CNGA3: variants seen among roughly 807,000 people sequenced by gnomAD.
CNGA3 encodes the protein cyclic nucleotide gated channel subunit alpha 3, also known as cyclic nucleotide-gated channel alpha-3.
In CNGA3, 42 loss-of-function variants were observed where a neutral mutation model predicts 46.6. The ratio of observed to expected loss-of-function variants is 0.90; its 90% confidence interval spans 0.70 to 1.17. The LOEUF (loss-of-function observed/expected upper bound fraction) is 1.17. Ranked by LOEUF, CNGA3 falls within the 50% of genes most tolerant of loss-of-function variation. The pLI is 0.00. For missense variants in CNGA3, 893 were observed against 890.7 expected (o/e 1.00, Z -0.03); for synonymous variants, 394 against 369.4 (o/e 1.07, Z -0.76).
Position 98,397,373 on chromosome 2 carries a change from A to G in CNGA3, c.*118A>G. 1 of 1,068,830 alleles carries G rather than the reference A, an allele frequency of 9.4e-7. No individual in the cohort carries two copies. 66.2% of individuals were successfully genotyped at this position (1,068,830 alleles called of 1,614,324 possible). On this transcript the variant is annotated 3_prime_UTR_variant, in exon 8 of 8. Transcript: ENST00000272602. ...AATTCCAGCTCTACTCACCCTTTGA[A>G]AGCTGTGTGACTGCCTGAGAGAACC...
At chr2:98,367,201 T>TTTTTTTTTTTTTTG (rs1257482068) in intron 1 of CNGA3, among the ~76,000 whole-genome samples, 1 of 147,882 alleles carries the variant, frequency 6.8e-6, no homozygotes, top group African/African-American at 2.5e-5. Flanking sequence ...TTTTTTTTTT[T>TTTTTTTTTTTTTTG]ATTGAGACAG....
intron 5 of CNGA3, among the ~76,000 whole-genome samples, chr2:98,385,661 G>A (rs531706767): frequency 1.3e-5 from 2 of 152,292 alleles, no homozygotes; most frequent in South Asian, 2.1e-4. Flanking sequence ...TTGGACAAGT[G>A]TATTAGTCCA....
At chr2:98,369,899 C>A in intron 1 of CNGA3, 40 bp from the exon 2 acceptor site, 2 of 1,334,594 alleles carry the variant, frequency 1.5e-6, no homozygotes, top group Non-Finnish European at 2.1e-6. Context: ...CAGTTACTTT[C>A]CTGTCCTGAT....
intron 3 of CNGA3, 52 bp downstream of exon 3, chr2:98,377,852 A>G: frequency 6.6e-7 from 1 of 1,520,418 alleles, no homozygotes; most frequent in Non-Finnish European, 9.0e-7. Flanking sequence ...CTGTTGCAGA[A>G]AGAAGGTAGT....
intron 2 of CNGA3, among the ~76,000 whole-genome samples, chr2:98,374,814 G>A (rs993619316): frequency 6.6e-6 from 1 of 152,226 alleles, no homozygotes; most frequent in Non-Finnish European, 1.5e-5. Flanking sequence ...GTGGGGCAAC[G>A]CATAGGGAAA....
At chr2:98,389,551 C>CG in intron 5 of CNGA3, 107 bp from the exon 6 acceptor site, 2 of 950,882 alleles carry the variant, frequency 2.1e-6, no homozygotes, top group Non-Finnish European at 3.5e-6. Flanking sequence ...CTGTTGTGGA[C>CG]AGCCACATCT....
intron 1 of CNGA3, among the ~76,000 whole-genome samples, chr2:98,363,120 G>C (rs550470900): frequency 3.3e-4 from 50 of 152,284 alleles, no homozygotes; most frequent in African/African-American, 1.2e-3. Context: ...GTTTAGGATT[G>C]TCTTGGCTAT....
intron 1 of CNGA3, among the ~76,000 whole-genome samples, chr2:98,357,159 G>T (rs145157415): frequency 9.1e-4 from 139 of 152,244 alleles, no homozygotes; most frequent in Middle Eastern, 3.4e-3. Context: ...TGCCTTTAAG[G>T]CTTTTGGAGT....
chr2:98,353,572 A>G (rs1691814106), intron 1 of CNGA3, among the ~76,000 whole-genome samples: 1 of 152,234 alleles, frequency 6.6e-6, no homozygotes, highest in South Asian at 2.1e-4. Flanking sequence ...CAGAAGCTGA[A>G]GTCACTTATG....
chr2:98,377,675 C>G lies in CNGA3; in HGVS notation c.102-12C>G. On this transcript the variant is annotated splice_polypyrimidine_tract_variant and intron_variant, in intron 2 of 7. Transcript: ENST00000272602. ...GAAATCAATTCTGCTTGCTGCATAT[C>G]TGATTTCCTAGAGCCCACTCGTCAA... The G allele has an allele frequency of 6.2e-7, 1 of 1,609,710 alleles. No homozygotes were observed. Among genetic ancestry groups the G allele is most frequent in the Non-Finnish European group, 8.5e-7 (1 of 1,177,920 alleles).
chr2:98,394,709 C>T (rs1196622592), intron 7 of CNGA3, among the ~76,000 whole-genome samples: 1 of 152,166 alleles, frequency 6.6e-6, no homozygotes, highest in Non-Finnish European at 1.5e-5. Context: ...AGGCAGTAAG[C>T]ACTTTAGCAT....
chr2:98,355,404 T>G (rs923919949), intron 1 of CNGA3, among the ~76,000 whole-genome samples: 1 of 152,202 alleles, frequency 6.6e-6, no homozygotes, highest in Non-Finnish European at 1.5e-5. Context: ...ACATAAAATA[T>G]AAGAGGACCC....
chr2:98,366,688 G>A (rs1410915049), intron 1 of CNGA3, among the ~76,000 whole-genome samples: 1 of 152,220 alleles, frequency 6.6e-6, no homozygotes, highest in Non-Finnish European at 1.5e-5. Context: ...CCGCTATGGT[G>A]CACTGTGGGG....
intron 1 of CNGA3, among the ~76,000 whole-genome samples, chr2:98,360,207 G>A (rs998128292): frequency 2.6e-5 from 4 of 152,204 alleles, no homozygotes; most frequent in African/African-American, 7.2e-5. Context: ...AGGGAGGGGG[G>A]CTGCTGTGAG....
At position 98,371,098 on chromosome 2, in the gene CNGA3, T is replaced by A. The variant is rs564311464; in HGVS notation, c.101+1022T>A. Among the ~76,000 whole-genome samples, 5 of 152,348 alleles carry A rather than the reference T, an allele frequency of 3.3e-5. No individual in the cohort carries two copies. The East Asian group carries it at 7.7e-4, about 24-fold the overall frequency. ...CCTCAGCCTCCCAAAGTGCTGGGAT[T>A]ACAGGTGTGAGCCACTGCACCCAGC... On this transcript the variant is annotated intron_variant, in intron 2 of 7. Coordinates refer to ENST00000272602, the MANE Select transcript of CNGA3 (RefSeq NM_001298.3).
chr2:98,383,357 G>A, intron 4 of CNGA3, 31 bp from the exon 5 acceptor site: 2 of 1,610,840 alleles, frequency 1.2e-6, no homozygotes, highest in Non-Finnish European at 1.7e-6. Flanking sequence ...ACAGAGTTCA[G>A]ACCCTTGATG....
chr2:98,346,939 T>G (rs1691640772), intron 1 of CNGA3: 1 of 152,546 alleles, frequency 6.6e-6, no homozygotes, highest in South Asian at 2.1e-4. Context: ...GGGTAGGGCT[T>G]GCAGCCGCGA....
intron 2 of CNGA3, among the ~76,000 whole-genome samples, chr2:98,371,427 A>G (rs1692286906): frequency 6.6e-6 from 1 of 152,202 alleles, no homozygotes; most frequent in Non-Finnish European, 1.5e-5. Context: ...AACTCTGCTA[A>G]TAAGTGATGG....
chr2:98,362,149 G>A lies in CNGA3; in HGVS notation c.-37-7790G>A, dbSNP rs1220961550. 2.0e-5 allele frequency among the ~76,000 whole-genome samples: 3 copies of A among 147,286 alleles called. No homozygotes were observed. The East Asian group carries it at 6.0e-4, about 29-fold the overall frequency. On this transcript the variant is annotated intron_variant, in intron 1 of 7. Transcript: ENST00000272602. ...CCACATAAATGTCTTCTTTTGAGAA[G>A]TGTCTTTTCATGTCCTTTGCCCACT...
Sources: allele counts gnomAD v4.1 joint callset (sites outside exome capture counted in the v4.1 genomes callset), GRCh38; gene constraint gnomAD v4.1.1; transcripts MANE v1.5; gene names NCBI Gene and HGNC (gene_info 2026-07-23, HGNC 2026-07-21).